The following C1orf87 variants were observed in gnomAD, a reference collection of about 807,000 sequenced individuals.
C1orf87 encodes the protein uncharacterized protein C1orf87.
Under a neutral mutation model 60.5 loss-of-function variants are expected in C1orf87, and 58 were observed. That is an observed-to-expected ratio of 0.96 (90% CI 0.78 to 1.19). The LOEUF is 1.19. Among genes scored for constraint, C1orf87 ranks in the 50% most tolerant of loss-of-function variants. C1orf87 has a pLI of 0.00. For synonymous variants in C1orf87, 236 were observed against 227.4 expected (o/e 1.04, Z -0.34); for missense variants, 673 against 638.6 (o/e 1.05, Z -0.58).
intron 9 of C1orf87, among the ~76,000 whole-genome samples, chr1:60,005,821 T>TTC (rs1553125589): frequency 1.3e-5 from 2 of 149,994 alleles, no homozygotes; most frequent in Non-Finnish European, 3.0e-5. Context: ...TTTTTTTTTT[T>TTC]CCTCTGGTGA....
rs1645530577 is a variant in C1orf87 at position 60,064,877 on chromosome 1, T to G, written c.107+7660A>C. ...ATATTTATTATATATAAATATATAT[T>G]TGTTCTAAATAAATATATATTCTAA... On this transcript the variant is annotated intron_variant, in intron 2 of 11. Transcript: ENST00000371201. Among the ~76,000 whole-genome samples, 3 of 92,372 alleles carry G rather than the reference T, an allele frequency of 3.2e-5. No individual in the cohort carries two copies. The South Asian group carries it at 9.2e-4, about 28-fold the overall frequency. 60.6% of individuals were successfully genotyped at this position (92,372 alleles called of 152,430 possible).
rs773681849 is a variant in C1orf87 at position 59,990,623 on chromosome 1, G to A, written c.*50C>T. 13 of 1,595,100 alleles carry A rather than the reference G, an allele frequency of 8.1e-6. No individual in the cohort carries two copies. In the African/African-American group the frequency reaches 1.2e-4, roughly 15 times the overall value. On this transcript the variant is annotated 3_prime_UTR_variant, in exon 12 of 12. Transcript: ENST00000371201. Reference sequence around the variant, plus strand: ...AGGCTGGGGAGAAACATGTGTCTGGGTAAAAAGGGAGATAAGGGAAACATC... The same window carrying A: ...AGGCTGGGGAGAAACATGTGTCTGGATAAAAAGGGAGATAAGGGAAACATC...
At chr1:60,001,906 A>T (rs1645008874) in intron 9 of C1orf87, among the ~76,000 whole-genome samples, 1 of 152,092 alleles carries the variant, frequency 6.6e-6, no homozygotes. Context: ...AACAGAAGAG[A>T]TTTCCACAGG....
chr1:60,007,983 A>G (rs1384819015), intron 9 of C1orf87, among the ~76,000 whole-genome samples: 1 of 152,028 alleles, frequency 6.6e-6, no homozygotes, highest in Non-Finnish European at 1.5e-5. Flanking sequence ...TCACTTTGAT[A>G]ACATTTACCT....
rs954642126 is a variant in C1orf87, at chr1:60,033,508, G to A, written c.997C>T (p.Arg333Cys). 11 of 1,613,726 alleles carry A rather than the reference G, an allele frequency of 6.8e-6. No individual in the cohort carries two copies. Among genetic ancestry groups the A allele is most frequent in the Middle Eastern group, 1.6e-4 (1 of 6,082 alleles). Residue 333 changes from arginine (R) to cysteine (C), a missense_variant, in exon 7 of 12, where the codon CGC becomes TGC. Arg to Cys is a radical substitution (Grantham distance 180). Coordinates refer to ENST00000371201, the MANE Select transcript of C1orf87 (RefSeq NM_152377.3). Reference protein sequence around the residue: ...NLNLSFRKEDRSFSGCLPLPK... With the variant: ...NLNLSFRKEDCSFSGCLPLPK... ...AGAGGGAGGCAGCCAGAGAACGAGC[G>A]ATCTTCTTTTCGAAAACTCAGATTG...
intron 2 of C1orf87, among the ~76,000 whole-genome samples, chr1:60,057,002 C>T (rs1185664661): frequency 6.6e-6 from 1 of 152,076 alleles, no homozygotes; most frequent in Non-Finnish European, 1.5e-5. Context: ...TTTTTATAGT[C>T]ATCCTTTTGG....
chr1:60,022,137 G>A (rs574844455), intron 8 of C1orf87, among the ~76,000 whole-genome samples: 9 of 139,208 alleles, frequency 6.5e-5, no homozygotes, highest in Admixed American at 3.8e-4. Flanking sequence ...TGCCTTCTAC[G>A]TGTAATAACA....
At chr1:60,006,919 CT>C (rs112399680) in intron 9 of C1orf87, among the ~76,000 whole-genome samples, 13 of 149,964 alleles carry the variant, frequency 8.7e-5, no homozygotes, top group South Asian at 2.1e-4. Context: ...CTCTTGCATA[CT>C]TTTTTTTTTC....
At chr1:60,050,090 A>T (rs571036897) in intron 3 of C1orf87, among the ~76,000 whole-genome samples, 2 of 152,182 alleles carry the variant, frequency 1.3e-5, no homozygotes, top group African/African-American at 4.8e-5. Flanking sequence ...TTGACTATTC[A>T]TGCTTGTTTG....
rs560390714 is a variant in C1orf87, at chr1:60,014,090, G to T, written c.1128-3634C>A. ...ACCTTGCTTACTTCAACTTTCTGCT[G>T]TCATTCTTGATAGTTGAGCTCTCCA... On this transcript the variant is annotated intron_variant, in intron 8 of 11. Transcript: ENST00000371201. Among the ~76,000 whole-genome samples, 3 of 152,164 alleles carry T rather than the reference G, an allele frequency of 2.0e-5. No individual in the cohort carries two copies. The East Asian group carries it at 5.8e-4, about 29-fold the overall frequency.
rs2100256792 is a variant in C1orf87 at position 60,010,583 on chromosome 1, C to CA, written c.1128-128dup. ...TTTGATACTTCTATCATTTAAGGTC[C>CA]AATGCAGGAAACAGAAACTACTTTG... On this transcript the variant is annotated intron_variant, in intron 8 of 11. Transcript: ENST00000371201. The CA allele has an allele frequency of 4.0e-5, 31 of 776,626 alleles. 1 individual carries two copies. In the South Asian group the frequency reaches 5.2e-4, roughly 13 times the overall value. The allele number at this position is 776,626 out of a possible 1,614,324, so 48.1% of individuals were successfully genotyped here.
intron 2 of C1orf87, among the ~76,000 whole-genome samples, chr1:60,063,497 T>C (rs890951262): frequency 4.6e-5 from 7 of 152,148 alleles, no homozygotes; most frequent in African/African-American, 1.2e-4. Context: ...TGGTTTCCCA[T>C]TCTACATGGA....
intron 8 of C1orf87, among the ~76,000 whole-genome samples, chr1:60,017,710 A>T (rs1278620246): frequency 6.6e-6 from 1 of 152,214 alleles, no homozygotes; most frequent in Non-Finnish European, 1.5e-5. Flanking sequence ...AATAATTTCC[A>T]TCCAACAAAA....
At chr1:60,036,340 TCAAACAAACAAA>T (rs113124628) in intron 6 of C1orf87, among the ~76,000 whole-genome samples, 1 of 152,092 alleles carries the variant, frequency 6.6e-6, no homozygotes, top group East Asian at 1.9e-4. Context: ...AAGGACATTT[TCAAACAAACAAA>T]CAAACAAACA....
At chr1:60,019,898 T>C (rs371892213) in intron 8 of C1orf87, among the ~76,000 whole-genome samples, 13 of 152,150 alleles carry the variant, frequency 8.5e-5, no homozygotes, top group African/African-American at 2.9e-4. Context: ...CATAAGCATT[T>C]ACAAAGAGAT....
At chr1:60,021,222 A>T (rs1425912056) in intron 8 of C1orf87, among the ~76,000 whole-genome samples, 2 of 152,210 alleles carry the variant, frequency 1.3e-5, no homozygotes, top group Non-Finnish European at 2.9e-5. Flanking sequence ...TAGTTCCTGT[A>T]GTTCCTTATA....
At chr1:60,015,632 C>A (rs558558259) in intron 8 of C1orf87, among the ~76,000 whole-genome samples, 2 of 152,314 alleles carry the variant, frequency 1.3e-5, no homozygotes, top group Admixed American at 6.5e-5. Context: ...GGTCTTTCCT[C>A]TGTGCACCTA....
At chr1:60,045,546 C>A (rs1645359676) in intron 3 of C1orf87, among the ~76,000 whole-genome samples, 1 of 152,212 alleles carries the variant, frequency 6.6e-6, no homozygotes, top group Admixed American at 6.5e-5. Flanking sequence ...GTGCTCATCA[C>A]CAGGCTTCAG....
Position 60,001,230 on chromosome 1 carries a change from GCAA to G in C1orf87, c.1193-77_1193-75del, listed in dbSNP as rs1187149435. On this transcript the variant is annotated intron_variant, in intron 9 of 11. Coordinates refer to ENST00000371201, the MANE Select transcript of C1orf87 (RefSeq NM_152377.3). ...CATTTAACACACACATATACACAAG[GCAA>G]CAACAACAGCAACAACAAAAAAATG... 53 of 1,026,676 alleles carry G rather than the reference GCAA, an allele frequency of 5.2e-5. No homozygotes were observed. In the African/African-American group the frequency reaches 7.1e-4, roughly 14 times the overall value. 63.6% of individuals were successfully genotyped at this position (1,026,676 alleles called of 1,614,324 possible). A position where few individuals can be genotyped will look rare whatever the true frequency, so the allele number is the denominator to read the frequency against.
Sources: gnomAD v4.1 joint callset for allele counts (sites outside exome capture counted in the v4.1 genomes callset) on GRCh38, gnomAD v4.1.1 for gene constraint, MANE v1.5 for transcripts, NCBI Gene and HGNC (gene_info 2026-07-23, HGNC 2026-07-21) for gene names.